The following DGKK variants were observed in gnomAD, a reference collection of about 807,000 sequenced individuals.
DGKK encodes 142 kDa diacylglycerol kinase.
In DGKK, 35 loss-of-function variants were observed where a neutral mutation model predicts 92.2. The ratio of observed to expected loss-of-function variants is 0.38; its 90% CI spans 0.29 to 0.50. The LOEUF (loss-of-function observed/expected upper bound fraction) is 0.50. Ranked by LOEUF, DGKK falls within the 20% of genes least tolerant of loss-of-function variation. The pLI is 0.92. For synonymous variants in DGKK, 368 were observed against 360.6 expected (o/e 1.02, Z -0.23); for missense variants, 910 against 992.2 (o/e 0.92, Z 1.11).
At chrX:50,445,331 C>T (rs1557231713) in intron 1 of DGKK, among the ~76,000 whole-genome samples, 6 of 110,167 alleles carry the variant, frequency 5.4e-5, no homozygotes. Context: ...TTGTGTTTGG[C>T]GTCTTCATCA....
chrX:50,454,257 A>G (rs1399485562), intron 1 of DGKK, among the ~76,000 whole-genome samples: 3 of 111,202 alleles, frequency 2.7e-5, no homozygotes, highest in Middle Eastern at 4.7e-3. Context: ...AGTTATTTGT[A>G]TACTTGGTCT....
rs946877150 is a variant in DGKK at position 50,470,623 on chromosome X, T to C, written c.56A>G (p.Gln19Arg). 8.6e-7 allele frequency: 1 copy of C among 1,166,571 alleles called. No individual in the cohort carries two copies. The highest frequency in any genetic ancestry group is 1.8e-5 in the African/African-American group (1 of 56,840). ...QGTAPPQDGE[Q>R]PAESPEPPPP... Reference sequence around the variant, plus strand: ...CGGAGGCTCTGGAGACTCAGCGGGCTGCTCTCCATCCTGAGGCGGGGCAGT... The same window carrying C: ...CGGAGGCTCTGGAGACTCAGCGGGCCGCTCTCCATCCTGAGGCGGGGCAGT... The change falls in exon 1 of 28, where the codon CAG (glutamine) becomes CGG (arginine). Residue 19 changes from glutamine to arginine, a missense_variant. By Grantham distance (43) the Gln-to-Arg change is conservative. Transcript: ENST00000611977.
rs782245521 is a variant in DGKK at position 50,396,777 on chromosome X, C to T, written c.1412-3442G>A. ...TGAACCAGGTGACAAAGATGGGTGC[C>T]ACTGAGGGCAGAAATGTAATAATGT... On this transcript the variant is annotated intron_variant, in intron 8 of 27. Coordinates refer to ENST00000611977, the MANE Select transcript of DGKK (RefSeq NM_001013742.4). Among the ~76,000 whole-genome samples the T allele has an allele frequency of 7.1e-5, 8 of 111,907 alleles. No homozygotes were observed. The Admixed American group carries it at 7.6e-4, about 11-fold the overall frequency.
At chrX:50,427,577 TTAATAATAATAATAA>T (rs75113899) in intron 1 of DGKK, among the ~76,000 whole-genome samples, 2 of 98,025 alleles carry the variant, frequency 2.0e-5, no homozygotes, top group Non-Finnish European at 4.0e-5. Context: ...ATGCAAGACG[TTAATAATAATAATAA>T]TAATAATAAT....
chrX:50,379,818 G>C, intron 19 of DGKK, 84 bp from the exon 20 acceptor site: 3 of 942,410 alleles, frequency 3.2e-6, no homozygotes, highest in African/African-American at 1.9e-5. Context: ...AAAGGGCTCT[G>C]TCTTCTCTTC....
Position 50,380,035 on chromosome X carries a change from G to C in DGKK, c.2700C>G (p.Thr900=). ...KNKMWYGLLG[T]KELLQRSYRK... ...TGTAAGAGCGCTGCAAAAGTTCTTT[G>C]GTTCCCAGAAGGCCATACCACATCT... The change falls in exon 19 of 28, where the codon ACC becomes ACG. Residue 900 remains threonine (T), a synonymous_variant. Coordinates refer to ENST00000611977, the MANE Select transcript of DGKK (RefSeq NM_001013742.4). 1 of 1,211,481 alleles carries C rather than the reference G, an allele frequency of 8.3e-7. No individual in the cohort carries two copies. Among genetic ancestry groups the C allele is most frequent in the Non-Finnish European group, 1.1e-6 (1 of 895,287 alleles).
chrX:50,447,356 TAATATATA>T (rs1926354442), intron 1 of DGKK, among the ~76,000 whole-genome samples: 2 of 10,601 alleles, frequency 1.9e-4, no homozygotes, highest in Non-Finnish European at 3.4e-4. Flanking sequence ...TATATATATA[TAATATATA>T]TATATTATAT....
Position 50,384,746 on chromosome X carries a change from T to C in DGKK, c.2426A>G (p.Asp809Gly). 1 of 1,210,214 alleles carries C rather than the reference T, an allele frequency of 8.3e-7. No homozygotes were observed. The highest frequency in any genetic ancestry group is 1.8e-5 in the South Asian group (1 of 56,716). Residue 809 changes from aspartate to glycine, a missense_variant, in exon 16 of 28, where the codon GAT becomes GGT. Physicochemically the swap from Asp to Gly is moderately conservative, Grantham distance 94 (BLOSUM62 -1). Transcript: ENST00000611977. Reference protein sequence around the residue: ...STFFLEDDPEDINQTSPRRRS... With the variant: ...STFFLEDDPEGINQTSPRRRS... Reference sequence around the variant, plus strand: ...GCGTCGTGGGCTTGTCTGGTTAATATCTTCTGGGTCATCTTCCAGGAAGAA... The same window carrying C: ...GCGTCGTGGGCTTGTCTGGTTAATACCTTCTGGGTCATCTTCCAGGAAGAA...
intron 1 of DGKK, among the ~76,000 whole-genome samples, chrX:50,445,738 T>C (rs1926290605): frequency 1.8e-5 from 2 of 111,600 alleles, no homozygotes; most frequent in African/African-American, 6.5e-5. Context: ...TTGTTCTTTT[T>C]ACTTAGGATT....
At chrX:50,390,873 G>A (rs1262626232) in intron 11 of DGKK, among the ~76,000 whole-genome samples, 2 of 111,884 alleles carry the variant, frequency 1.8e-5, no homozygotes, top group Non-Finnish European at 3.8e-5. Flanking sequence ...TAGGATGGTA[G>A]TACTTGCTCT....
intron 4 of DGKK, among the ~76,000 whole-genome samples, chrX:50,416,249 T>G (rs895700192): frequency 3.6e-5 from 4 of 111,883 alleles, no homozygotes; most frequent in African/African-American, 1.3e-4. Context: ...TCTATGGTAT[T>G]TTTATTATGG....
chrX:50,378,310 T>C (rs2147119008), intron 21 of DGKK, 78 bp from the exon 22 acceptor site: 4 of 1,083,776 alleles, frequency 3.7e-6, no homozygotes, highest in Admixed American at 5.4e-5. Context: ...CTCATAGTTA[T>C]GGCCTTGAAT....
intron 8 of DGKK, among the ~76,000 whole-genome samples, chrX:50,397,024 G>T (rs1264887820): frequency 2.7e-5 from 3 of 111,992 alleles, no homozygotes; most frequent in Non-Finnish European, 3.8e-5. Context: ...ACTGGTCAAA[G>T]TCCAGGGATG....
chrX:50,460,557 T>C (rs781813912), intron 1 of DGKK, among the ~76,000 whole-genome samples: 70 of 111,743 alleles, frequency 6.3e-4, no homozygotes, highest in African/African-American at 2.1e-3. Context: ...CTTTACAGGC[T>C]CTTTAAAGCA....
Position 50,447,395 on chromosome X carries a change from T to C in DGKK, c.645+22639A>G, listed in dbSNP as rs12850016. Among the ~76,000 whole-genome samples the C allele has an allele frequency of 7.4e-4, 12 of 16,111 alleles. 2 individuals carry two copies. Among genetic ancestry groups the C allele is most frequent in the African/African-American group, 6.2e-3 (10 of 1,612 alleles). The allele number at this position is 16,111 out of a possible 115,157, so 14.0% of individuals were successfully genotyped here. On this transcript the variant is annotated intron_variant, in intron 1 of 27. Transcript: ENST00000611977. ...TATATATATATATAATATATATATATTATATATATATATAATATATATATA... is the reference window on the plus strand; with the variant it reads ...TATATATATATATAATATATATATACTATATATATATATAATATATATATA...
At chrX:50,373,967 A>T (rs1924204590) in intron 25 of DGKK, among the ~76,000 whole-genome samples, 1 of 111,955 alleles carries the variant, frequency 8.9e-6, no homozygotes, top group African/African-American at 3.2e-5. Flanking sequence ...TAGGCTAGGC[A>T]CTGATAGGTA....
intron 1 of DGKK, among the ~76,000 whole-genome samples, chrX:50,431,420 C>G (rs1184280503): frequency 9.0e-6 from 1 of 111,486 alleles, no homozygotes; most frequent in Non-Finnish European, 1.9e-5. Flanking sequence ...CACCCCCACC[C>G]ACTCAAAAAG....
At chrX:50,404,521 C>T (rs1925099895) in intron 4 of DGKK, among the ~76,000 whole-genome samples, 1 of 104,752 alleles carries the variant, frequency 9.5e-6, no homozygotes, top group Non-Finnish European at 2.0e-5. Context: ...TCTCGGCTCA[C>T]TGCAACCTCC....
rs1387971702 is a variant in DGKK, at chrX:50,464,580, TC to T, written c.645+5453del. On this transcript the variant is annotated intron_variant, in intron 1 of 27. Coordinates refer to ENST00000611977, the MANE Select transcript of DGKK (RefSeq NM_001013742.4). ...CTTTTTTTGTTTGTTTTCCTTAATT[TC>T]TTTTTTTTTAATTGAAGGGGTGGCA... 2.7e-5 allele frequency among the ~76,000 whole-genome samples: 3 copies of T among 110,980 alleles called. No homozygotes were observed. In the Admixed American group the frequency reaches 2.9e-4, roughly 11 times the overall value.
Sources: allele counts gnomAD v4.1 joint callset (sites outside exome capture counted in the v4.1 genomes callset), GRCh38; gene constraint gnomAD v4.1.1; transcripts MANE v1.5; gene names NCBI Gene and HGNC (gene_info 2026-07-23, HGNC 2026-07-21).